The following EXD3 variants were observed in gnomAD, a reference collection of about 807,000 sequenced individuals.
EXD3 encodes exonuclease 3'-5' domain containing 3.
A neutral mutation model predicts 98.0 loss-of-function variants in EXD3; 92 were observed. The ratio of observed to expected loss-of-function variants is 0.94; its 90% CI spans 0.79 to 1.12. EXD3 has a LOEUF of 1.12. Among genes scored for constraint, EXD3 ranks in the 50% most tolerant of loss-of-function variants. EXD3 has a pLI of 0.00. For synonymous variants in EXD3, 569 were observed against 526.0 expected, an observed-to-expected ratio of 1.08 and a Z score of -1.12; for missense variants, 1,222 against 1,191.6, an observed-to-expected ratio of 1.03 and a Z score of -0.38.
In EXD3 at chr9:137,349,616, G is replaced by A. The variant is rs1461730291; in HGVS notation, c.1495-85C>T. ...TGCCCACTCACACCAGCCCTGCGGG[G>A]GCTCTGGAGGAGGCCCCGCCCCCTC... On this transcript the variant is annotated intron_variant, in intron 14 of 21. Coordinates refer to ENST00000340951, the MANE Select transcript of EXD3 (RefSeq NM_017820.5). The surrounding 1 kb of genome is among the most constrained non-coding windows in gnomAD (Gnocchi z 7.4). 7.3e-7 allele frequency: 1 copy of A among 1,376,064 alleles called. No homozygotes were observed. Among genetic ancestry groups the A allele is most frequent in the African/African-American group, 1.5e-5 (1 of 67,592 alleles). The allele number at this position is 1,376,064 out of a possible 1,614,324, so 85.2% of individuals were successfully genotyped here.
chr9:137,413,503 CTTTTTT>C (rs768508083), intron 1 of EXD3, among the ~76,000 whole-genome samples: 1 of 128,790 alleles, frequency 7.8e-6, no homozygotes, highest in East Asian at 2.2e-4. Flanking sequence ...CCTGGCCTAG[CTTTTTT>C]TTTTTTTTTT....
At chr9:137,367,263 G>T (rs775757788) in intron 6 of EXD3, among the ~76,000 whole-genome samples, 3 of 152,178 alleles carry the variant, frequency 2.0e-5, no homozygotes, top group Non-Finnish European at 2.9e-5. Flanking sequence ...AGCCCCAAGA[G>T]CCCTCTCTGG....
At chr9:137,421,012 C>T (rs73565540) in intron 1 of EXD3, among the ~76,000 whole-genome samples, 2,681 of 152,158 alleles carry the variant, frequency 0.018, 79 homozygotes, top group African/African-American at 0.061. Flanking sequence ...ACAGGGACCT[C>T]GCTATGTTGC....
In EXD3 at chr9:137,349,379, G is replaced by C; in HGVS notation, c.1647C>G (p.Val549=). 1.3e-6 allele frequency: 2 copies of C among 1,589,268 alleles called. No homozygotes were observed. The highest frequency in any genetic ancestry group is 1.7e-6 in the Non-Finnish European group (2 of 1,173,606). Residue 549 remains valine (V), a synonymous_variant, in exon 15 of 22, where the codon GTC becomes GTG. Transcript: ENST00000340951. The surrounding 1 kb of genome is among the most constrained non-coding windows in gnomAD (Gnocchi z 7.4). ...CGCCGCACCGCACACCTGCGTAGAT[G>C]ACCTGCTCCTCGCAGAGCGGCCTCC... The part of the protein sequence containing the change: ...WDRRPLCEEQ[V]IYAAADAYCL...
chr9:137,346,238 CAAA>C (rs563761495), intron 17 of EXD3, among the ~76,000 whole-genome samples: 185 of 13,550 alleles, frequency 0.014, 1 homozygote, highest in Middle Eastern at 0.05. Context: ...GACTCCGTCT[CAAA>C]AAAAAAAAAA....
chr9:137,316,440 G>T (rs972622879), intron 19 of EXD3, among the ~76,000 whole-genome samples: 2 of 152,084 alleles, frequency 1.3e-5, no homozygotes, highest in Non-Finnish European at 2.9e-5. Context: ...CCCGCAGAGG[G>T]GGGTAGCCCG....
At chr9:137,342,930 G>A (rs1397168470) in intron 17 of EXD3, among the ~76,000 whole-genome samples, 1 of 152,144 alleles carries the variant, frequency 6.6e-6, no homozygotes, top group African/African-American at 2.4e-5. Flanking sequence ...GACCATCCCG[G>A]CCAACATGGT....
At position 137,349,931 on chromosome 9, in the gene EXD3, G is replaced by A. The variant is rs375216513; in HGVS notation, c.1495-400C>T. Among the ~76,000 whole-genome samples, 2 of 151,968 alleles carry A rather than the reference G, an allele frequency of 1.3e-5. No homozygotes were observed. The highest frequency in any genetic ancestry group is 2.9e-5 in the Non-Finnish European group (2 of 68,004). On this transcript the variant is annotated intron_variant, in intron 14 of 21. Coordinates refer to ENST00000340951, the MANE Select transcript of EXD3 (RefSeq NM_017820.5). This position sits in a 1 kb window ranked among gnomAD's most constrained non-coding sequence, Gnocchi z 7.4. Reference sequence around the variant, plus strand: ...AAAATGCAGCGAAACCACCCCCGGGGGGCTCTAGTGCTCATGCTAGGGGCG... The same window carrying A: ...AAAATGCAGCGAAACCACCCCCGGGAGGCTCTAGTGCTCATGCTAGGGGCG...
chr9:137,354,219 C>T, intron 10 of EXD3, 120 bp downstream of exon 10: 1 of 1,497,100 alleles, frequency 6.7e-7, no homozygotes, highest in East Asian at 2.5e-5. Context: ...GGGGTCTGGG[C>T]TCAGCAGCCC....
At chr9:137,354,905 C>G in intron 8 of EXD3, 132 bp from the exon 9 acceptor site, 1 of 882,956 alleles carries the variant, frequency 1.1e-6, no homozygotes, top group Non-Finnish European at 1.7e-6. Context: ...CCCCGGAGCC[C>G]ACCCCCTCCT....
chr9:137,396,402 T>G lies in EXD3; in HGVS notation c.-47-998A>C, dbSNP rs774240562. 8.1e-4 allele frequency among the ~76,000 whole-genome samples: 124 copies of G among 152,198 alleles called. 3 individuals carry two copies. The highest frequency in any genetic ancestry group is 2.1e-4 in the Non-Finnish European group (14 of 68,024). On this transcript the variant is annotated intron_variant, in intron 1 of 21. Coordinates refer to ENST00000340951, the MANE Select transcript of EXD3 (RefSeq NM_017820.5). The stretch of plus-strand genomic sequence containing the variant: ...CTTTAGTTTGAATCACACACAGCAG[T>G]TACACAAAGCTCAGCATGTGAACTC...
intron 2 of EXD3, among the ~76,000 whole-genome samples, chr9:137,384,535 T>C (rs6606579): frequency 0.67 from 102,365 of 152,218 alleles, 36,519 homozygotes; most frequent in African/African-American, 0.92. Context: ...CACGTAAGGA[T>C]GCCACAGCCC....
chr9:137,325,592 C>T (rs896618883), intron 17 of EXD3, among the ~76,000 whole-genome samples: 13 of 152,088 alleles, frequency 8.5e-5, no homozygotes, highest in African/African-American at 3.1e-4. Flanking sequence ...ACCAGCACAC[C>T]CAGCTAATTT....
At chr9:137,334,616 G>A (rs188275546) in intron 17 of EXD3, among the ~76,000 whole-genome samples, 1 of 152,074 alleles carries the variant, frequency 6.6e-6, no homozygotes, top group Non-Finnish European at 1.5e-5. Context: ...TGTAAGACTC[G>A]AACCATAAAC....
intron 17 of EXD3, among the ~76,000 whole-genome samples, chr9:137,334,693 C>T (rs1226610690): frequency 1.3e-5 from 2 of 152,046 alleles, no homozygotes; most frequent in Non-Finnish European, 2.9e-5. Flanking sequence ...TGACTAGAAC[C>T]ACAAAAGCAA....
At chr9:137,398,819 GTCCCCGTGACACACGTGCACCCGCA>G (rs1837346592) in intron 1 of EXD3, among the ~76,000 whole-genome samples, 1 of 112,702 alleles carries the variant, frequency 8.9e-6, no homozygotes, top group African/African-American at 3.6e-5. Flanking sequence ...AGGCACCCGC[GTCCCCGTGACACACGTGCACCCGCA>G]TCCCCAAGAC....
chr9:137,310,786 C>T (rs2119045454), intron 19 of EXD3, among the ~76,000 whole-genome samples: 1 of 152,326 alleles, frequency 6.6e-6, no homozygotes, highest in South Asian at 2.1e-4. Flanking sequence ...GGAGGTGTGG[C>T]CTTCCCGTCA....
chr9:137,316,622 A>T (rs990360221), intron 19 of EXD3, among the ~76,000 whole-genome samples: 1 of 152,136 alleles, frequency 6.6e-6, no homozygotes, highest in African/African-American at 2.4e-5. Flanking sequence ...CGACTGGGGG[A>T]CTTCCTGGAG....
intron 17 of EXD3, among the ~76,000 whole-genome samples, chr9:137,337,932 C>T (rs557995727): frequency 2.0e-4 from 31 of 152,088 alleles, no homozygotes; most frequent in African/African-American, 6.0e-4. Context: ...GGACTACAGG[C>T]GCCCACCACC....
Sources: allele counts gnomAD v4.1 joint callset (sites outside exome capture counted in the v4.1 genomes callset), GRCh38; gene constraint gnomAD v4.1.1; non-coding constraint Gnocchi (gnomAD v3.1); transcripts MANE v1.5; gene names NCBI Gene and HGNC (gene_info 2026-07-23, HGNC 2026-07-21).